Variants in CUX2 observed in about 807,000 individuals in gnomAD.
CUX2 encodes the protein homeobox protein cut-like 2.
In CUX2, 40 loss-of-function variants were observed where a neutral mutation model predicts 144.8. The observed-to-expected ratio is 0.28, with a 90% CI of 0.21 to 0.36. The LOEUF (loss-of-function observed/expected upper bound fraction) is 0.36, where lower values mean the gene tolerates loss of function less well. Ranked by LOEUF, CUX2 falls within the 10% of genes least tolerant of loss-of-function variation. CUX2 has a pLI of 1.00. For missense variants in CUX2, 1,615 were observed against 1,994.0 expected (o/e 0.81, Z 3.62); for synonymous variants, 827 against 875.6 (o/e 0.94, Z 0.98).
intron 1 of CUX2, among the ~76,000 whole-genome samples, chr12:111,056,071 C>T (rs916009066): frequency 2.0e-5 from 3 of 152,184 alleles, no homozygotes; most frequent in African/African-American, 7.2e-5. Flanking sequence ...AGATCCGAGG[C>T]AAAAGGCGGA....
rs1189288163 is a variant in CUX2, at chr12:111,334,752, G to T, written c.3196+42G>T. The T allele has an allele frequency of 1.9e-6, 3 of 1,545,820 alleles. No homozygotes were observed. The African/African-American group carries it at 4.1e-5, about 21-fold the overall frequency. On this transcript the variant is annotated intron_variant, in intron 19 of 21. Coordinates refer to ENST00000261726, the MANE Select transcript of CUX2 (RefSeq NM_015267.4). Reference sequence around the variant, plus strand: ...AATCGGAGAGGCTGCCTCCCACCTGGGTTGGCTCCTACTTGCCTTGAAAAG... The same window carrying T: ...AATCGGAGAGGCTGCCTCCCACCTGTGTTGGCTCCTACTTGCCTTGAAAAG...
intron 1 of CUX2, among the ~76,000 whole-genome samples, chr12:111,149,022 T>A (rs1566254675): frequency 2.6e-5 from 4 of 151,878 alleles, no homozygotes. Context: ...AAAGAAGTGG[T>A]AGGTAAGGAC....
At chr12:111,257,809 C>T (rs1465983503) in intron 3 of CUX2, among the ~76,000 whole-genome samples, 1 of 151,504 alleles carries the variant, frequency 6.6e-6, no homozygotes, top group Admixed American at 6.6e-5. Flanking sequence ...TCTTTTTCTC[C>T]TCCTTTCCAC....
chr12:111,194,739 G>C (rs145098665), intron 1 of CUX2, among the ~76,000 whole-genome samples: 2 of 152,210 alleles, frequency 1.3e-5, no homozygotes, highest in Non-Finnish European at 2.9e-5. Flanking sequence ...CCCGGTGCCC[G>C]TCACACAGCA....
In CUX2 at chr12:111,310,321, C is replaced by T. The variant is rs942357124; in HGVS notation, c.1539C>T (p.Gly513=). The change falls in exon 15 of 22, where the codon GGC becomes GGT. Residue 513 remains glycine, a synonymous_variant. Coordinates refer to ENST00000261726, the MANE Select transcript of CUX2 (RefSeq NM_015267.4). The surrounding 1 kb of genome is among the most constrained non-coding windows in gnomAD (Gnocchi z 7.9). ...GLLVFPPAFY[G]AKPPTAPATP... ...TGGTGTTCCCCCCAGCCTTCTATGG[C>T]GCCAAGCCCCCCACAGCCCCTGCCA... is the stretch of plus-strand genomic sequence containing the variant. 12 of 1,509,246 alleles carry T rather than the reference C, an allele frequency of 8.0e-6. No homozygotes were observed. Among genetic ancestry groups the T allele is most frequent in the South Asian group, 1.3e-5 (1 of 76,670 alleles). 93.5% of individuals were successfully genotyped at this position (1,509,246 alleles called of 1,614,324 possible). A position where few individuals can be genotyped will look rare whatever the true frequency, so the allele number is the denominator to read the frequency against.
rs1330074697 is a variant in CUX2, at chr12:111,255,709, G to A, written c.223-8052G>A. Among the ~76,000 whole-genome samples, 2 of 152,332 alleles carry A rather than the reference G, an allele frequency of 1.3e-5. No individual in the cohort carries two copies. The highest frequency in any genetic ancestry group is 1.9e-4 in the East Asian group (1 of 5,192). The stretch of plus-strand genomic sequence containing the variant: ...ATAGTCACACCCGCAGCGTGATGAG[G>A]GTTAAGCTAATGTGCATCCAGTACA... On this transcript the variant is annotated intron_variant, in intron 3 of 21. Coordinates refer to ENST00000261726, the MANE Select transcript of CUX2 (RefSeq NM_015267.4). The surrounding 1 kb of genome is among the most constrained non-coding windows in gnomAD (Gnocchi z 4.1).
chr12:111,241,176 G>A (rs1883000666), intron 3 of CUX2, among the ~76,000 whole-genome samples: 1 of 152,142 alleles, frequency 6.6e-6, no homozygotes, highest in South Asian at 2.1e-4. Flanking sequence ...CACATGGTGA[G>A]AGAGGAAACA....
At chr12:111,264,533 G>A (rs1446564068) in intron 4 of CUX2, among the ~76,000 whole-genome samples, 5 of 152,168 alleles carry the variant, frequency 3.3e-5, no homozygotes, top group African/African-American at 9.7e-5. Context: ...TCAGGAGTTC[G>A]AGACCAGTCT....
In CUX2 at chr12:111,294,048, A is replaced by G. The variant is rs11065853; in HGVS notation, c.560+479A>G. On this transcript the variant is annotated intron_variant, in intron 6 of 21. Transcript: ENST00000261726. ...GCTCTGTCACTCAGGCTGGAGTGCA[A>G]TGGCACAGTTATAGCCCACTGCAGC... Among the ~76,000 whole-genome samples, 1,465 of 152,304 alleles carry G rather than the reference A, an allele frequency of 9.6e-3. 17 individuals carry two copies. The highest frequency in any genetic ancestry group is 0.05 in the East Asian group (257 of 5,184).
In CUX2 at chr12:111,034,202, T is replaced by G; in HGVS notation, c.25T>G (p.Phe9Val). ...GATGGCCGCCAATGTGGGATCGATG[T>G]TTCAATATTGGAAGCGATTTGATCT... is the stretch of plus-strand genomic sequence containing the variant. MAANVGSM[F>V]QYWKRFDLRR... is the part of the protein sequence containing the mutation. The change falls in exon 1 of 22, where the codon TTT (phenylalanine) becomes GTT (valine). Residue 9 changes from phenylalanine to valine, a missense_variant. Transcript: ENST00000261726. The surrounding 1 kb of genome is among the most constrained non-coding windows in gnomAD (Gnocchi z 4.2). 7.1e-7 allele frequency: 1 copy of G among 1,401,880 alleles called. No individual in the cohort carries two copies. The highest frequency in any genetic ancestry group is 3.9e-5 in the East Asian group (1 of 25,488). The allele number at this position is 1,401,880 out of a possible 1,614,324, so 86.8% of individuals were successfully genotyped here. A position where few individuals can be genotyped will look rare whatever the true frequency, so the allele number is the denominator to read the frequency against.
At chr12:111,300,485 C>G (rs1886236709) in intron 9 of CUX2, among the ~76,000 whole-genome samples, 1 of 152,166 alleles carries the variant, frequency 6.6e-6, no homozygotes, top group Admixed American at 6.5e-5. Context: ...TTTTCCCCGT[C>G]TATATCTTTG....
chr12:111,090,338 A>G (rs1288855758), intron 1 of CUX2, among the ~76,000 whole-genome samples: 1 of 152,090 alleles, frequency 6.6e-6, no homozygotes, highest in Non-Finnish European at 1.5e-5. Flanking sequence ...ATCTCGGTTC[A>G]CTGCAACCTC....
At chr12:111,123,402 TCA>T (rs1056923722) in intron 1 of CUX2, among the ~76,000 whole-genome samples, 1 of 152,202 alleles carries the variant, frequency 6.6e-6, no homozygotes, top group African/African-American at 2.4e-5. Flanking sequence ...CAGGCTGGTC[TCA>T]AACTCCTGGT....
intron 1 of CUX2, among the ~76,000 whole-genome samples, chr12:111,085,013 C>T (rs113231812): frequency 6.6e-6 from 1 of 152,176 alleles, no homozygotes; most frequent in African/African-American, 2.4e-5. Flanking sequence ...AGGCATTGTT[C>T]CACACACTGT....
At chr12:111,301,865 T>A (rs1007996202) in intron 9 of CUX2, among the ~76,000 whole-genome samples, 1 of 152,206 alleles carries the variant, frequency 6.6e-6, no homozygotes, top group Non-Finnish European at 1.5e-5. Flanking sequence ...CCACCCTTGA[T>A]GTCTAAACAC....
intron 4 of CUX2, among the ~76,000 whole-genome samples, chr12:111,281,425 C>T (rs893347589): frequency 3.3e-5 from 5 of 152,146 alleles, no homozygotes; most frequent in African/African-American, 7.2e-5. Context: ...TAAGGTGAGT[C>T]GAGATCCCCC....
chr12:111,179,573 C>T (rs989651252), intron 1 of CUX2, among the ~76,000 whole-genome samples: 6 of 151,658 alleles, frequency 4.0e-5, no homozygotes, highest in Non-Finnish European at 7.4e-5. Context: ...TTCATTCCGG[C>T]TGATCTGAGC....
chr12:111,129,706 A>C (rs1875335905), intron 1 of CUX2, among the ~76,000 whole-genome samples: 1 of 152,190 alleles, frequency 6.6e-6, no homozygotes, highest in Non-Finnish European at 1.5e-5. Context: ...GCCCTCTAGG[A>C]ATGCAGGATT....
At chr12:111,112,915 G>A (rs1050140012) in intron 1 of CUX2, among the ~76,000 whole-genome samples, 7 of 152,320 alleles carry the variant, frequency 4.6e-5, no homozygotes, top group African/African-American at 9.6e-5. Context: ...TGGGTTCAGC[G>A]TCTCTGCAGA....
Sources: allele counts gnomAD v4.1 joint callset (sites outside exome capture counted in the v4.1 genomes callset), GRCh38; gene constraint gnomAD v4.1.1; non-coding constraint Gnocchi (gnomAD v3.1); transcripts MANE v1.5; gene names NCBI Gene and HGNC (gene_info 2026-07-23, HGNC 2026-07-21).